The following ITPKB variants were observed in gnomAD, a reference collection of about 807,000 sequenced individuals.
ITPKB encodes IP3 3-kinase B.
In ITPKB, 13 loss-of-function variants were observed where a neutral mutation model predicts 69.4. That is an observed-to-expected ratio of 0.19 (90% confidence interval 0.12 to 0.30). The LOEUF (loss-of-function observed/expected upper bound fraction) is 0.30, where lower values mean the gene tolerates loss of function less well. ITPKB is among the 10% of genes least tolerant of loss of function. The probability of loss-of-function intolerance (pLI) is 1.00; values close to 1 mark genes in which losing one functional copy is unlikely to be tolerated. For missense variants in ITPKB, 1,240 were observed against 1,250.5 expected, an observed-to-expected ratio of 0.99 and a Z score of 0.13; for synonymous variants, 584 against 513.7, an observed-to-expected ratio of 1.14 and a Z score of -1.85.
Position 226,711,405 on chromosome 1 carries a change from AAGAGAGAGAG to A in ITPKB, c.1932+24112_1932+24121del, listed in dbSNP as rs59479705. ...CCTCCAGCCCTAGAGGGTGTTTTGA[AAGAGAGAGAG>A]AGAGAGAGAGAGAGAGAGAGAGAGA... On this transcript the variant is annotated intron_variant, in intron 2 of 7. Coordinates refer to ENST00000429204, the MANE Select transcript of ITPKB (RefSeq NM_002221.4). Among the ~76,000 whole-genome samples the A allele has an allele frequency of 4.3e-3, 561 of 129,856 alleles. 5 individuals carry two copies. Among genetic ancestry groups the A allele is most frequent in the African/African-American group, 0.015 (505 of 34,202 alleles). The allele number at this position is 129,856 out of a possible 152,430, so 85.2% of individuals were successfully genotyped here.
intron 3 of ITPKB, 80 bp from the exon 4 acceptor site, chr1:226,647,460 G>T: frequency 9.7e-7 from 1 of 1,036,128 alleles, no homozygotes; most frequent in Non-Finnish European, 1.5e-6. Context: ...CAGGGTCTGG[G>T]CCTCCCTGGG....
At chr1:226,649,473 T>A (rs956305677) in intron 2 of ITPKB, among the ~76,000 whole-genome samples, 3 of 151,170 alleles carry the variant, frequency 2.0e-5, no homozygotes, top group African/African-American at 7.3e-5. Context: ...TGTGCATGTA[T>A]GTGCATATGT....
chr1:226,697,840 C>G (rs1388636899), intron 2 of ITPKB, among the ~76,000 whole-genome samples: 1 of 152,216 alleles, frequency 6.6e-6, no homozygotes, highest in Non-Finnish European at 1.5e-5. Flanking sequence ...CCTGCCCTGG[C>G]AGATGTGCCC....
At position 226,634,003 on chromosome 1, in the gene ITPKB, C is replaced by T. The variant is rs942936888; in HGVS notation, c.*668G>A. The T allele has an allele frequency of 6.6e-6, 1 of 152,550 alleles. No homozygotes were observed. Among genetic ancestry groups the T allele is most frequent in the African/African-American group, 2.4e-5 (1 of 41,468 alleles). The allele number at this position is 152,550 out of a possible 1,614,324, so 9.4% of individuals were successfully genotyped here. A position where few individuals can be genotyped will look rare whatever the true frequency, so the allele number is the denominator to read the frequency against. ...GAGAACACAGCCAAGCTGGCTTCAG[C>T]CTTCTCTTGGCTCCTGGGTCTGGCC... On this transcript the variant is annotated 3_prime_UTR_variant, in exon 8 of 8. Coordinates refer to ENST00000429204, the MANE Select transcript of ITPKB (RefSeq NM_002221.4). This position sits in a 1 kb window ranked among gnomAD's most constrained non-coding sequence, Gnocchi z 6.3.
chr1:226,692,249 GT>G (rs1045960157), intron 2 of ITPKB, among the ~76,000 whole-genome samples: 28 of 149,160 alleles, frequency 1.9e-4, no homozygotes, highest in East Asian at 5.9e-4. Flanking sequence ...AATCATGTGG[GT>G]TTTTTTTTTC....
At chr1:226,647,671 G>A (rs927337074) in intron 3 of ITPKB, among the ~76,000 whole-genome samples, 27 of 152,190 alleles carry the variant, frequency 1.8e-4, no homozygotes, top group African/African-American at 4.6e-4. Context: ...GAGGTGCCAC[G>A]ACCCAGTCAT....
At chr1:226,653,026 C>T (rs977278369) in intron 2 of ITPKB, among the ~76,000 whole-genome samples, 4 of 152,170 alleles carry the variant, frequency 2.6e-5, no homozygotes, top group African/African-American at 4.8e-5. Flanking sequence ...TTTCTGCAGG[C>T]GTGCACCAGT....
chr1:226,674,554 G>A (rs780655622), intron 2 of ITPKB, among the ~76,000 whole-genome samples: 2 of 152,058 alleles, frequency 1.3e-5, no homozygotes, highest in African/African-American at 2.4e-5. Context: ...GGCTGGTCTC[G>A]AACTTCTGAC....
At chr1:226,685,563 C>T (rs1203557952) in intron 2 of ITPKB, among the ~76,000 whole-genome samples, 2 of 152,206 alleles carry the variant, frequency 1.3e-5, no homozygotes, top group Admixed American at 1.3e-4. Flanking sequence ...AGGGCAGTAG[C>T]TGTTCTTCCC....
chr1:226,736,750 G>A lies in ITPKB; in HGVS notation c.709C>T (p.Leu237Phe), dbSNP rs767447670. 3.7e-6 allele frequency: 6 copies of A among 1,612,900 alleles called. No homozygotes were observed. In the East Asian group the frequency reaches 1.3e-4, roughly 36 times the overall value. The stretch of plus-strand genomic sequence containing the variant: ...CCTGTAGGGGCAGCCCGGCCGGGAA[G>A]AGGTGGCATTCCTTTCTTCACCTGC... The part of the protein sequence containing the change: ...SSQVKKGMPP[L>F]PGRAAPTGSE... The change falls in exon 2 of 8, where the codon CTT becomes TTT. Residue 237 changes from leucine to phenylalanine, a missense_variant. Physicochemically the swap from Leu to Phe is conservative, Grantham distance 22. This residue lies in a region of ITPKB where 992 missense variants were observed against 853.8 expected (regional missense o/e 1.16). Transcript: ENST00000429204.
intron 2 of ITPKB, among the ~76,000 whole-genome samples, chr1:226,693,359 T>C (rs758514945): frequency 6.6e-6 from 1 of 152,176 alleles, no homozygotes; most frequent in East Asian, 1.9e-4. Context: ...GGGCAGCTCT[T>C]TGCACACAGA....
At chr1:226,679,862 A>C (rs1048460392) in intron 2 of ITPKB, among the ~76,000 whole-genome samples, 33 of 152,210 alleles carry the variant, frequency 2.2e-4, no homozygotes, top group African/African-American at 8.0e-4. Context: ...GGCTTCTGAA[A>C]GCGTCCTTTT....
intron 2 of ITPKB, among the ~76,000 whole-genome samples, chr1:226,702,676 G>A (rs1656697757): frequency 6.6e-6 from 1 of 152,204 alleles, no homozygotes; most frequent in African/African-American, 2.4e-5. Context: ...TTATTCGGCA[G>A]ATGGTAATGA....
chr1:226,661,394 G>T (rs1239679337), intron 2 of ITPKB, among the ~76,000 whole-genome samples: 1 of 152,254 alleles, frequency 6.6e-6, no homozygotes, highest in Non-Finnish European at 1.5e-5. Context: ...CCACTTCACA[G>T]ATGGGAACAC....
intron 5 of ITPKB, among the ~76,000 whole-genome samples, 155 bp from the exon 6 acceptor site, chr1:226,639,813 G>C (rs1458962266): frequency 6.6e-6 from 1 of 152,224 alleles, no homozygotes; most frequent in Non-Finnish European, 1.5e-5. Context: ...GGCGCATGGA[G>C]GTGGCGTGCA....
chr1:226,706,794 C>T (rs1026900240), intron 2 of ITPKB, among the ~76,000 whole-genome samples: 6 of 152,278 alleles, frequency 3.9e-5, no homozygotes, highest in South Asian at 4.1e-4. Context: ...AGTTTCCAGC[C>T]GCCAGTCTGT....
rs115271037 is a variant in ITPKB at position 226,713,771 on chromosome 1, A to G, written c.1932+21756T>C. Among the ~76,000 whole-genome samples the G allele has an allele frequency of 4.8e-4, 73 of 152,270 alleles. No homozygotes were observed. In the East Asian group the frequency reaches 0.01, roughly 22 times the overall value. On this transcript the variant is annotated intron_variant, in intron 2 of 7. Coordinates refer to ENST00000429204, the MANE Select transcript of ITPKB (RefSeq NM_002221.4). ...GTTCTTTTTACTACAGTGACAGCCA[A>G]AGAAAGCATCCTGGGTGTTCAGATA...
chr1:226,684,399 G>A (rs901658376), intron 2 of ITPKB, among the ~76,000 whole-genome samples: 4 of 152,148 alleles, frequency 2.6e-5, no homozygotes, highest in African/African-American at 4.8e-5. Context: ...ATCCTCCCTC[G>A]AAAGCCTGCA....
At chr1:226,680,508 T>C (rs897126524) in intron 2 of ITPKB, among the ~76,000 whole-genome samples, 4 of 152,164 alleles carry the variant, frequency 2.6e-5, no homozygotes, top group Non-Finnish European at 5.9e-5. Context: ...GGTGAACCGA[T>C]GTGAAGAGTC....
Sources: allele counts gnomAD v4.1 joint callset (sites outside exome capture counted in the v4.1 genomes callset), GRCh38; gene constraint gnomAD v4.1.1; regional missense constraint gnomAD v4.1.1; non-coding constraint Gnocchi (gnomAD v3.1); transcripts MANE v1.5; gene names NCBI Gene and HGNC (gene_info 2026-07-23, HGNC 2026-07-21).